Variants in CEP85L observed in about 807,000 individuals in gnomAD.
CEP85L encodes centrosomal protein 85L, also known as centrosomal protein of 85 kDa-like.
CEP85L carries 60 observed loss-of-function variants against 100.3 expected under a neutral mutation model. The observed-to-expected ratio is 0.60, with a 90% CI of 0.49 to 0.74. The LOEUF is 0.74. CEP85L is among the 30% of genes least tolerant of loss of function. CEP85L has a pLI of 0.00. For synonymous variants in CEP85L, 319 were observed against 322.7 expected, an observed-to-expected ratio of 0.99 and a Z score of 0.12; for missense variants, 973 against 936.2, an observed-to-expected ratio of 1.04 and a Z score of -0.51.
chr6:118,558,618 C>T lies in CEP85L; in HGVS notation c.1020+6911G>A, dbSNP rs565817611. On this transcript the variant is annotated intron_variant, in intron 3 of 12. Coordinates refer to ENST00000368491, the MANE Select transcript of CEP85L (RefSeq NM_001042475.3). ...AAAGAGAGACAGACACATAGAAACACGTGCACATACACACACACACACACA... is the reference window on the plus strand; with the variant it reads ...AAAGAGAGACAGACACATAGAAACATGTGCACATACACACACACACACACA... Among the ~76,000 whole-genome samples the T allele has an allele frequency of 1.1e-4, 14 of 125,262 alleles. No homozygotes were observed. The South Asian group carries it at 1.8e-3, about 16-fold the overall frequency. 82.2% of individuals were successfully genotyped at this position (125,262 alleles called of 152,430 possible).
chr6:118,512,257 G>A (rs1283399185), intron 4 of CEP85L, among the ~76,000 whole-genome samples: 1 of 152,124 alleles, frequency 6.6e-6, no homozygotes, highest in Admixed American at 6.6e-5. Context: ...AGAAACCAAG[G>A]CAGCTGTAGT....
chr6:118,467,571 TAGA>T (rs1205990708), intron 12 of CEP85L, among the ~76,000 whole-genome samples: 1 of 152,174 alleles, frequency 6.6e-6, no homozygotes, highest in African/African-American at 2.4e-5. Context: ...CTTTAAAGAC[TAGA>T]AGGAGTATTG....
In CEP85L at chr6:118,519,189, C is replaced by A. The variant is rs1776465165; in HGVS notation, c.1139+4613G>T. 2.6e-5 allele frequency among the ~76,000 whole-genome samples: 4 copies of A among 152,054 alleles called. No homozygotes were observed. The South Asian group carries it at 8.3e-4, about 32-fold the overall frequency. On this transcript the variant is annotated intron_variant, in intron 4 of 12. Transcript: ENST00000368491. Reference sequence around the variant, plus strand: ...GGAAAAAAAGGGCCAGGTGTGGTGGCTCATGCCTGTAATCCCAGCACTTTG... The same window carrying A: ...GGAAAAAAAGGGCCAGGTGTGGTGGATCATGCCTGTAATCCCAGCACTTTG...
chr6:118,526,233 A>G (rs766619379), intron 3 of CEP85L, among the ~76,000 whole-genome samples: 1 of 152,222 alleles, frequency 6.6e-6, no homozygotes, highest in South Asian at 2.1e-4. Flanking sequence ...GTTAGCTGTT[A>G]GAATACTGAA....
intron 2 of CEP85L, among the ~76,000 whole-genome samples, chr6:118,600,540 T>C (rs901466806): frequency 6.6e-6 from 1 of 151,678 alleles, no homozygotes; most frequent in Non-Finnish European, 1.5e-5. Flanking sequence ...CAGGCTGGTC[T>C]CCAACTCCTG....
chr6:118,598,156 A>C (rs1781548659), intron 2 of CEP85L, among the ~76,000 whole-genome samples: 1 of 152,208 alleles, frequency 6.6e-6, no homozygotes, highest in Non-Finnish European at 1.5e-5. Context: ...CTCATTCCCC[A>C]CATCATTCTT....
intron 2 of CEP85L, among the ~76,000 whole-genome samples, chr6:118,630,542 T>C (rs9401080): frequency 0.057 from 8,702 of 152,274 alleles, 295 homozygotes; most frequent in South Asian, 0.11. Flanking sequence ...CAAGATGTCC[T>C]TCAGTAGGTG....
intron 2 of CEP85L, among the ~76,000 whole-genome samples, chr6:118,590,646 C>T (rs1583121344): frequency 6.6e-6 from 1 of 152,108 alleles, no homozygotes; most frequent in East Asian, 1.9e-4. Flanking sequence ...ACTCGGAGTT[C>T]CCCCTCTCAG....
intron 1 of CEP85L, among the ~76,000 whole-genome samples, chr6:118,640,878 ATGT>A (rs943106796): frequency 2.6e-5 from 4 of 152,102 alleles, no homozygotes; most frequent in South Asian, 2.1e-4. Flanking sequence ...ATCTCAATAA[ATGT>A]TATTATTTTT....
rs1028249890 is a variant in CEP85L, at chr6:118,565,954, T to C, written c.595A>G (p.Ile199Val). The change falls in exon 3 of 13, where the codon ATT becomes GTT. Residue 199 changes from isoleucine to valine, a missense_variant. This residue lies in a region of CEP85L where 890 missense variants were observed against 844.5 expected (regional missense o/e 1.05). Coordinates refer to ENST00000368491, the MANE Select transcript of CEP85L (RefSeq NM_001042475.3). The part of the protein sequence containing the change: ...AKALTSQLRT[I>V]GPSCLHDSME... ...CTATCATGTAAACAGCTAGGCCCAA[T>C]TGTCCTCAGTTGTGATGTTAAAGCC... 7 of 1,614,198 alleles carry C rather than the reference T, an allele frequency of 4.3e-6. No homozygotes were observed. In the Admixed American group the frequency reaches 6.7e-5, roughly 15 times the overall value.
chr6:118,495,137 C>A (rs1411642529), intron 5 of CEP85L, among the ~76,000 whole-genome samples: 1 of 150,302 alleles, frequency 6.7e-6, no homozygotes, highest in South Asian at 2.1e-4. Flanking sequence ...AAAAAAAAAA[C>A]CTTAAAAAAA....
intron 2 of CEP85L, among the ~76,000 whole-genome samples, chr6:118,597,606 T>G (rs1781523014): frequency 6.6e-6 from 1 of 152,224 alleles, no homozygotes. Flanking sequence ...GGATATTTGC[T>G]ACTGCTAACT....
chr6:118,504,330 G>A (rs375510698), intron 5 of CEP85L, among the ~76,000 whole-genome samples: 9 of 151,262 alleles, frequency 5.9e-5, no homozygotes, highest in African/African-American at 9.7e-5. Context: ...AGCCGAAACC[G>A]CATCACTGCA....
chr6:118,660,401 C>T (rs1260113496), intron 1 of CEP85L, among the ~76,000 whole-genome samples: 1 of 152,212 alleles, frequency 6.6e-6, no homozygotes, highest in South Asian at 2.1e-4. Context: ...CTGTGGAGTA[C>T]TGCTGCAGTC....
At chr6:118,668,806 A>G (rs1351022307) in intron 1 of CEP85L, among the ~76,000 whole-genome samples, 1 of 152,232 alleles carries the variant, frequency 6.6e-6, no homozygotes, top group Non-Finnish European at 1.5e-5. Context: ...TTAAAGCTAT[A>G]TATCTAAATT....
chr6:118,562,875 C>T (rs1779302590), intron 3 of CEP85L, among the ~76,000 whole-genome samples: 3 of 152,152 alleles, frequency 2.0e-5, no homozygotes, highest in Non-Finnish European at 4.4e-5. Context: ...GGAGATCCAT[C>T]GTGGGCTTAC....
chr6:118,507,017 C>T (rs1322723499), intron 5 of CEP85L, among the ~76,000 whole-genome samples: 1 of 152,044 alleles, frequency 6.6e-6, no homozygotes, highest in Non-Finnish European at 1.5e-5. Flanking sequence ...CTTGGAATAC[C>T]TGATCATGCC....
intron 6 of CEP85L, among the ~76,000 whole-genome samples, chr6:118,489,958 C>G (rs900046175): frequency 6.0e-5 from 9 of 150,520 alleles, no homozygotes; most frequent in African/African-American, 2.0e-4. Flanking sequence ...CACATGCACA[C>G]ACACACATAC....
chr6:118,646,809 A>C (rs1349530241), intron 1 of CEP85L: 2 of 405,250 alleles, frequency 4.9e-6, no homozygotes, highest in Non-Finnish European at 6.7e-6. Context: ...GAGTATAAAA[A>C]TACACATTTC....
Sources: allele counts gnomAD v4.1 joint callset (sites outside exome capture counted in the v4.1 genomes callset), GRCh38; gene constraint gnomAD v4.1.1; regional missense constraint gnomAD v4.1.1; transcripts MANE v1.5; gene names NCBI Gene and HGNC (gene_info 2026-07-23, HGNC 2026-07-21).